The following SNTG1 variants were observed in gnomAD, a reference collection of about 807,000 sequenced individuals.
The protein encoded by SNTG1 is gamma-1-syntrophin.
Under a neutral mutation model 74.7 loss-of-function variants are expected in SNTG1, and 39 were observed. The ratio of observed to expected loss-of-function variants is 0.52; its 90% CI spans 0.40 to 0.68. The LOEUF is 0.68. Ranked by LOEUF, SNTG1 falls within the 30% of genes least tolerant of loss-of-function variation. The probability of loss-of-function intolerance (pLI) is 0.00; values close to 1 mark genes in which losing one functional copy is unlikely to be tolerated. For synonymous variants in SNTG1, 254 were observed against 217.1 expected (o/e 1.17, Z -1.49); for missense variants, 685 against 609.5 (o/e 1.12, Z -1.30).
intron 1 of SNTG1, among the ~76,000 whole-genome samples, chr8:50,099,047 TA>T (rs2080032799): frequency 6.6e-6 from 1 of 152,090 alleles, no homozygotes; most frequent in Admixed American, 6.6e-5. Context: ...TACTGAAATT[TA>T]AAACTATTTA....
intron 2 of SNTG1, among the ~76,000 whole-genome samples, chr8:50,260,320 C>G (rs2087118951): frequency 1.3e-5 from 2 of 152,156 alleles, no homozygotes; most frequent in Admixed American, 6.6e-5. Flanking sequence ...TCCCTTGTAG[C>G]ATTTCTGTCT....
intron 16 of SNTG1, chr8:50,707,846 T>G: frequency 2.6e-6 from 1 of 382,600 alleles, no homozygotes; most frequent in Non-Finnish European, 4.6e-6. Flanking sequence ...ATATAAACCT[T>G]AAGTTTTTAT....
At chr8:50,067,719 G>C (rs1242646755) in intron 1 of SNTG1, among the ~76,000 whole-genome samples, 1 of 152,110 alleles carries the variant, frequency 6.6e-6, no homozygotes, top group African/African-American at 2.4e-5. Flanking sequence ...GATTTTGGTT[G>C]CCTTGGCTGA....
chr8:50,165,439 T>G (rs2082578627), intron 1 of SNTG1, among the ~76,000 whole-genome samples: 2 of 152,248 alleles, frequency 1.3e-5, no homozygotes. Context: ...AAAATTATTT[T>G]GTGTCCTGTA....
rs1445022231 is a variant in SNTG1, at chr8:50,215,885, C to T, written c.-28+43250C>T. Among the ~76,000 whole-genome samples the T allele has an allele frequency of 2.0e-5, 3 of 152,128 alleles. No individual in the cohort carries two copies. The East Asian group carries it at 5.8e-4, about 29-fold the overall frequency. On this transcript the variant is annotated intron_variant, in intron 2 of 18. Transcript: ENST00000642720. ...CAAAAAACTTCTTATGAGTAATATGCAGTTTAATTGCAAAACTGAATTAGT... is the reference window on the plus strand; with the variant it reads ...CAAAAAACTTCTTATGAGTAATATGTAGTTTAATTGCAAAACTGAATTAGT...
chr8:50,258,715 G>A (rs1370342717), intron 2 of SNTG1, among the ~76,000 whole-genome samples: 1 of 151,952 alleles, frequency 6.6e-6, no homozygotes, highest in Non-Finnish European at 1.5e-5. Flanking sequence ...GAAGAGACAA[G>A]GATAGAGATT....
intron 13 of SNTG1, among the ~76,000 whole-genome samples, chr8:50,641,732 C>A (rs1378139851): frequency 6.6e-6 from 1 of 152,206 alleles, no homozygotes; most frequent in African/African-American, 2.4e-5. Flanking sequence ...ATGCATTTGA[C>A]ACAGCTAGTC....
At chr8:50,606,170 G>A (rs865801340) in intron 13 of SNTG1, among the ~76,000 whole-genome samples, 46 of 152,148 alleles carry the variant, frequency 3.0e-4, no homozygotes, top group Non-Finnish European at 5.7e-4. Flanking sequence ...CAGAAAGTTA[G>A]AAACACGTGA....
chr8:50,550,474 T>G (rs2094418492), intron 11 of SNTG1, among the ~76,000 whole-genome samples: 1 of 152,304 alleles, frequency 6.6e-6, no homozygotes, highest in Middle Eastern at 3.4e-3. Context: ...TTCATGAATT[T>G]GTATAGTGAG....
At chr8:50,008,837 T>C (rs1005199378) in intron 1 of SNTG1, among the ~76,000 whole-genome samples, 1 of 152,216 alleles carries the variant, frequency 6.6e-6, no homozygotes, top group Non-Finnish European at 1.5e-5. Flanking sequence ...TATAGATGCA[T>C]TACTTAAATG....
At chr8:50,069,583 A>ATTTTTT (rs71235778) in intron 1 of SNTG1, among the ~76,000 whole-genome samples, 3 of 67,032 alleles carry the variant, frequency 4.5e-5, no homozygotes, top group African/African-American at 6.9e-5. Context: ...ATTGGGAGGA[A>ATTTTTT]TTTTTTTTTT....
At chr8:50,372,282 A>G (rs2092287555) in intron 2 of SNTG1, among the ~76,000 whole-genome samples, 2 of 151,482 alleles carry the variant, frequency 1.3e-5, no homozygotes, top group Admixed American at 1.3e-4. Context: ...CATCTTCTAT[A>G]GTTATTTTTT....
intron 13 of SNTG1, among the ~76,000 whole-genome samples, chr8:50,623,052 A>G (rs778375333): frequency 2.4e-4 from 37 of 152,162 alleles, no homozygotes; most frequent in Middle Eastern, 3.4e-3. Flanking sequence ...TTAGTCTAAC[A>G]ATTTTTGGTT....
At chr8:50,770,532 G>T (rs902309324) in intron 18 of SNTG1, among the ~76,000 whole-genome samples, 1 of 152,024 alleles carries the variant, frequency 6.6e-6, no homozygotes, top group African/African-American at 2.4e-5. Flanking sequence ...GGCTGGGCTT[G>T]CAGATTCTAA....
intron 1 of SNTG1, among the ~76,000 whole-genome samples, chr8:50,056,913 G>A (rs1440000032): frequency 6.6e-6 from 1 of 152,162 alleles, no homozygotes; most frequent in Non-Finnish European, 1.5e-5. Flanking sequence ...AATCCTCACT[G>A]AGCCTCCAGG....
At chr8:50,691,553 C>T (rs2095379522) in intron 15 of SNTG1, among the ~76,000 whole-genome samples, 1 of 152,160 alleles carries the variant, frequency 6.6e-6, no homozygotes, top group Admixed American at 6.5e-5. Flanking sequence ...AAATTCTTTT[C>T]TTTAAGAATG....
At chr8:49,986,503 A>G (rs535630126) in intron 1 of SNTG1, among the ~76,000 whole-genome samples, 14 of 152,260 alleles carry the variant, frequency 9.2e-5, no homozygotes, top group Admixed American at 4.6e-4. Context: ...TTATCAGAAT[A>G]TGTGTACATG....
chr8:50,062,396 A>G (rs1325577674), intron 1 of SNTG1, among the ~76,000 whole-genome samples: 3 of 151,752 alleles, frequency 2.0e-5, no homozygotes, highest in African/African-American at 7.3e-5. Context: ...TTTTTTTTTC[A>G]ACTCTTATCA....
chr8:50,737,831 C>G (rs1344247436), intron 17 of SNTG1, among the ~76,000 whole-genome samples: 3 of 152,080 alleles, frequency 2.0e-5, no homozygotes, highest in African/African-American at 7.2e-5. Flanking sequence ...TCAGTAGATG[C>G]AGAAAAGGCC....
Sources: allele counts gnomAD v4.1 joint callset (sites outside exome capture counted in the v4.1 genomes callset), GRCh38; gene constraint gnomAD v4.1.1; transcripts MANE v1.5; gene names NCBI Gene and HGNC (gene_info 2026-07-23, HGNC 2026-07-21).